The following ARHGAP39 variants were observed in gnomAD, a reference collection of about 807,000 sequenced individuals.
ARHGAP39 encodes the protein rho GTPase-activating protein 39.
In ARHGAP39, 44 loss-of-function variants were observed where a neutral mutation model predicts 106.9. The observed-to-expected ratio is 0.41, with a 90% CI of 0.32 to 0.53. The LOEUF (loss-of-function observed/expected upper bound fraction) is 0.53. ARHGAP39 is among the 20% of genes least tolerant of loss of function. ARHGAP39 has a pLI of 0.21. For synonymous variants in ARHGAP39, 768 were observed against 693.2 expected, an observed-to-expected ratio of 1.11 and a Z score of -1.69; for missense variants, 1,496 against 1,577.3, an observed-to-expected ratio of 0.95 and a Z score of 0.87.
intron 1 of ARHGAP39, among the ~76,000 whole-genome samples, chr8:144,652,561 A>C (rs1821600149): frequency 6.6e-6 from 1 of 152,258 alleles, no homozygotes; most frequent in South Asian, 2.1e-4. Context: ...CATAAACACC[A>C]TAGAATACTA....
chr8:144,624,422 TTC>T (rs1820888392), intron 1 of ARHGAP39, among the ~76,000 whole-genome samples: 2 of 152,210 alleles, frequency 1.3e-5, no homozygotes, highest in African/African-American at 2.4e-5. Flanking sequence ...AACACATCAT[TTC>T]TCTCTGATCA....
At chr8:144,605,190 G>A (rs1345098859) in intron 2 of ARHGAP39, among the ~76,000 whole-genome samples, 1 of 152,198 alleles carries the variant, frequency 6.6e-6, no homozygotes, top group Non-Finnish European at 1.5e-5. Flanking sequence ...TAGCCTAGGA[G>A]TTCAAGGCTG....
intron 1 of ARHGAP39, among the ~76,000 whole-genome samples, chr8:144,642,109 G>T (rs1056935187): frequency 2.0e-5 from 3 of 152,172 alleles, no homozygotes; most frequent in African/African-American, 7.2e-5. Flanking sequence ...ATGCTGAGGC[G>T]GGCTGATTGC....
At position 144,557,197 on chromosome 8, in the gene ARHGAP39, G is replaced by A. The variant is rs80119248; in HGVS notation, c.513-1554C>T. On this transcript the variant is annotated intron_variant, in intron 3 of 11. Coordinates refer to ENST00000377307, the MANE Select transcript of ARHGAP39 (RefSeq NM_025251.3). ...ATTCAGAGGCAAAGGCTGAACCTTC[G>A]TAGTATTCAGAGGCAAAGGCTGAAC... Among the ~76,000 whole-genome samples, 11 of 78,202 alleles carry A rather than the reference G, an allele frequency of 1.4e-4. No homozygotes were observed. The South Asian group carries it at 1.8e-3, about 13-fold the overall frequency. The allele number at this position is 78,202 out of a possible 152,430, so 51.3% of individuals were successfully genotyped here.
Position 144,547,071 on chromosome 8 carries a change from C to T in ARHGAP39, c.1959+56G>A, listed in dbSNP as rs1817458452. 1.7e-5 allele frequency: 25 copies of T among 1,493,286 alleles called. No individual in the cohort carries two copies. The highest frequency in any genetic ancestry group is 2.2e-5 in the Non-Finnish European group (25 of 1,121,568). The allele number at this position is 1,493,286 out of a possible 1,614,324, so 92.5% of individuals were successfully genotyped here. On this transcript the variant is annotated intron_variant, in intron 5 of 11. Transcript: ENST00000377307. This position sits in a 1 kb window ranked among gnomAD's most constrained non-coding sequence, Gnocchi z 5.2. Reference sequence around the variant, plus strand: ...TCCTGTGCCTGGCCCACGGGGTCCACTCTGACTGGGCTGGCCCCAGGCTCT... The same window carrying T: ...TCCTGTGCCTGGCCCACGGGGTCCATTCTGACTGGGCTGGCCCCAGGCTCT...
At chr8:144,627,247 G>A (rs1327517853) in intron 1 of ARHGAP39, among the ~76,000 whole-genome samples, 1 of 152,180 alleles carries the variant, frequency 6.6e-6, no homozygotes, top group Non-Finnish European at 1.5e-5. Flanking sequence ...GACCTTCCAG[G>A]CCACAATGCA....
At chr8:144,698,103 T>G in the ARHGAP39 span, among the ~76,000 whole-genome samples, 1 of 152,188 alleles carries the variant, frequency 6.6e-6, no homozygotes, top group African/African-American at 2.4e-5. Flanking sequence ...GTGTTTGGAT[T>G]ATGGGGGTGG....
intron 1 of ARHGAP39, among the ~76,000 whole-genome samples, chr8:144,608,503 C>T (rs769522414): frequency 3.3e-5 from 5 of 152,200 alleles, no homozygotes; most frequent in Non-Finnish European, 5.9e-5. Flanking sequence ...ACAGTGAGTC[C>T]AAATGCACCG....
the ARHGAP39 span, chr8:144,700,316 G>C: frequency 1.3e-5 from 2 of 152,408 alleles, no homozygotes; most frequent in Admixed American, 1.3e-4. The surrounding 1 kb of genome is among the most constrained non-coding windows in gnomAD (Gnocchi z 5.6). Flanking sequence ...CCGCGTCCCA[G>C]AGCGGCCGGG....
intron 9 of ARHGAP39, 59 bp from the exon 10 acceptor site, chr8:144,532,455 C>A: frequency 6.8e-7 from 1 of 1,468,382 alleles, no homozygotes; most frequent in Non-Finnish European, 9.4e-7. Flanking sequence ...TTCATGATTC[C>A]GCCTGGACAC....
At chr8:144,569,418 G>A (rs755195298) in intron 3 of ARHGAP39, among the ~76,000 whole-genome samples, 6 of 152,114 alleles carry the variant, frequency 3.9e-5, no homozygotes, top group Non-Finnish European at 8.8e-5. Context: ...AACAGAAGGC[G>A]GTACATCCAT....
intron 6 of ARHGAP39, among the ~76,000 whole-genome samples, chr8:144,541,130 C>T (rs533803375): frequency 1.3e-5 from 2 of 152,216 alleles, no homozygotes; most frequent in South Asian, 2.1e-4. Context: ...GGATGACAGG[C>T]GTGAGCCACC....
At chr8:144,533,520 T>G (rs1816819153) in intron 8 of ARHGAP39, among the ~76,000 whole-genome samples, 195 bp from the exon 9 acceptor site, 1 of 152,100 alleles carries the variant, frequency 6.6e-6, no homozygotes, top group African/African-American at 2.4e-5. Flanking sequence ...CCCCAAACCC[T>G]AACTCCTCCT....
chr8:144,610,638 G>C (rs910799986), intron 1 of ARHGAP39, among the ~76,000 whole-genome samples: 3 of 151,972 alleles, frequency 2.0e-5, no homozygotes, highest in Non-Finnish European at 4.4e-5. Flanking sequence ...CGTGAACCTG[G>C]GAGGCAGAGC....
intron 2 of ARHGAP39, among the ~76,000 whole-genome samples, chr8:144,602,652 C>CTGTG (rs1233370378): frequency 1.9e-4 from 14 of 75,602 alleles, no homozygotes; most frequent in Non-Finnish European, 2.1e-4. Flanking sequence ...GCTCGTGTAC[C>CTGTG]TGTGTGCATG....
chr8:144,584,104 G>C (rs1033808706), intron 2 of ARHGAP39: 1 of 152,258 alleles, frequency 6.6e-6, no homozygotes, highest in African/African-American at 2.4e-5. Flanking sequence ...CATGTATATA[G>C]TTGTCTAGAA....
At chr8:144,579,222 A>G (rs1200406032) in intron 3 of ARHGAP39, among the ~76,000 whole-genome samples, 4 of 150,814 alleles carry the variant, frequency 2.7e-5, no homozygotes, top group East Asian at 1.9e-4. Context: ...AAAAAAAAAA[A>G]AAAGAAAGTG....
At chr8:144,676,607 G>A (rs1051085889) in intron 1 of ARHGAP39, among the ~76,000 whole-genome samples, 4 of 152,188 alleles carry the variant, frequency 2.6e-5, no homozygotes, top group Admixed American at 6.5e-5. Flanking sequence ...GTCCCCACCC[G>A]ACCCAGAAGC....
At chr8:144,658,912 T>C (rs1157670576) in intron 1 of ARHGAP39, among the ~76,000 whole-genome samples, 4 of 152,146 alleles carry the variant, frequency 2.6e-5, no homozygotes, top group African/African-American at 9.7e-5. Context: ...AGAAATAAGT[T>C]TGGCAAAATA....
Sources: allele counts gnomAD v4.1 joint callset (sites outside exome capture counted in the v4.1 genomes callset), GRCh38; gene constraint gnomAD v4.1.1; non-coding constraint Gnocchi (gnomAD v3.1); transcripts MANE v1.5; gene names NCBI Gene and HGNC (gene_info 2026-07-23, HGNC 2026-07-21).